DCC: variants seen among roughly 807,000 people sequenced by gnomAD.
DCC encodes DCC netrin 1 receptor.
DCC carries 58 observed loss-of-function variants against 172.5 expected under a neutral mutation model. That is an observed-to-expected ratio of 0.34 (90% CI 0.27 to 0.42). The LOEUF is 0.42. Ranked by LOEUF, DCC falls within the 10% of genes least tolerant of loss-of-function variation. The pLI, the probability that DCC is intolerant of heterozygous loss-of-function variation, is 1.00. For missense variants in DCC, 1,740 were observed against 1,791.0 expected, an observed-to-expected ratio of 0.97 and a Z score of 0.51; for synonymous variants, 709 against 644.5, an observed-to-expected ratio of 1.10 and a Z score of -1.52.
chr18:52,939,504 C>CA (rs1038502000), intron 5 of DCC, among the ~76,000 whole-genome samples: 25 of 152,184 alleles, frequency 1.6e-4, no homozygotes, highest in Non-Finnish European at 2.8e-4. Context: ...ACTATGTCCC[C>CA]AAAAACATAT....
At chr18:53,421,477 C>T (rs1274569995) in intron 21 of DCC, among the ~76,000 whole-genome samples, 1 of 152,158 alleles carries the variant, frequency 6.6e-6, no homozygotes, top group Non-Finnish European at 1.5e-5. Context: ...AAGAGGCCTA[C>T]GTACATAGGG....
At position 52,340,816 on chromosome 18, in the gene DCC, T is replaced by C. The variant is rs192846998; in HGVS notation, c.29T>C (p.Val10Ala). 1.2e-6 allele frequency: 2 copies of C among 1,614,122 alleles called. No individual in the cohort carries two copies. Among genetic ancestry groups the C allele is most frequent in the East Asian group, 4.5e-5 (2 of 44,848 alleles). The change falls in exon 1 of 29, where the codon GTA becomes GCA. Residue 10 changes from valine (V) to alanine (A), a missense_variant. By Grantham distance (64) the Val-to-Ala change is moderately conservative. Transcript: ENST00000442544. Reference protein sequence around the residue: MENSLRCVWVPKLAFVLFGA... With the variant: MENSLRCVWAPKLAFVLFGA... ...GAGAATAGTCTTAGATGTGTTTGGG[T>C]ACCCAAGCTGGCTTTTGTACTCTTC...
chr18:53,113,804 G>A (rs1047199182), intron 7 of DCC, among the ~76,000 whole-genome samples: 10 of 151,118 alleles, frequency 6.6e-5, no homozygotes, highest in African/African-American at 2.4e-4. Flanking sequence ...CCATTAAATA[G>A]CCATATTTTC....
intron 2 of DCC, among the ~76,000 whole-genome samples, chr18:52,894,937 G>T (rs527883250): frequency 2.0e-5 from 3 of 152,146 alleles, no homozygotes; most frequent in African/African-American, 7.2e-5. Context: ...TGGCCAAAAG[G>T]CTGGGTGCCC....
At chr18:52,455,275 T>G in intron 1 of DCC, among the ~76,000 whole-genome samples, 1 of 152,178 alleles carries the variant, frequency 6.6e-6, no homozygotes, top group African/African-American at 2.4e-5. Flanking sequence ...AAGAATTTAT[T>G]TTCTCTTATT....
chr18:52,487,538 C>T (rs1371723923), intron 1 of DCC, among the ~76,000 whole-genome samples: 1 of 152,034 alleles, frequency 6.6e-6, no homozygotes, highest in African/African-American at 2.4e-5. Flanking sequence ...AGACCGGGCA[C>T]GGTGGCTCAC....
intron 1 of DCC, among the ~76,000 whole-genome samples, chr18:52,568,555 T>C (rs1383480580): frequency 1.3e-5 from 2 of 152,222 alleles, no homozygotes; most frequent in Non-Finnish European, 2.9e-5. Context: ...CTTGCTATTA[T>C]TATTTCTTCA....
chr18:53,411,404 T>C lies in DCC; in HGVS notation c.3130+758T>C, dbSNP rs150741086. Among the ~76,000 whole-genome samples the C allele has an allele frequency of 6.6e-5, 10 of 152,296 alleles. No homozygotes were observed. In the East Asian group the frequency reaches 1.9e-3, roughly 29 times the overall value. On this transcript the variant is annotated intron_variant, in intron 20 of 28. Coordinates refer to ENST00000442544, the MANE Select transcript of DCC (RefSeq NM_005215.4). ...CACAACTAATATTTAAAGTTGTATA[T>C]TTAAGGCATGATATGTGTTGTTCTA...
intron 12 of DCC, among the ~76,000 whole-genome samples, chr18:53,303,952 G>A (rs1211166415): frequency 1.3e-5 from 2 of 152,176 alleles, no homozygotes; most frequent in Non-Finnish European, 2.9e-5. Context: ...AAGCTAGAAA[G>A]GGGGTGGAGT....
At chr18:52,497,280 A>ATATATGTGT (rs1307784228) in intron 1 of DCC, among the ~76,000 whole-genome samples, 330 of 21,534 alleles carry the variant, frequency 0.015, 20 homozygotes, top group Middle Eastern at 0.029. Flanking sequence ...AAAAAAAAAA[A>ATATATGTGT]ATATATATAT....
intron 8 of DCC, among the ~76,000 whole-genome samples, chr18:53,174,943 A>C (rs1331974382): frequency 4.6e-5 from 7 of 152,118 alleles, no homozygotes; most frequent in Admixed American, 3.9e-4. Context: ...TACTGGCAAA[A>C]CGAATCCATC....
chr18:53,128,864 C>CATATAT (rs1253869249), intron 7 of DCC, among the ~76,000 whole-genome samples: 8 of 72,116 alleles, frequency 1.1e-4, no homozygotes, highest in African/African-American at 5.5e-4. Flanking sequence ...CACACACACA[C>CATATAT]ACACACATAT....
chr18:52,468,406 G>C (rs1037957616), intron 1 of DCC, among the ~76,000 whole-genome samples: 2 of 152,166 alleles, frequency 1.3e-5, no homozygotes, highest in Non-Finnish European at 2.9e-5. Flanking sequence ...AAACTCATTA[G>C]ATAATTTTGC....
At chr18:52,660,332 A>G (rs1470287915) in intron 1 of DCC, among the ~76,000 whole-genome samples, 2 of 152,096 alleles carry the variant, frequency 1.3e-5, no homozygotes, top group Non-Finnish European at 1.5e-5. Context: ...TTTTTCTGCA[A>G]CTAGATGTTG....
chr18:52,464,941 A>T (rs1988741572), intron 1 of DCC, among the ~76,000 whole-genome samples: 1 of 152,232 alleles, frequency 6.6e-6, no homozygotes, highest in African/African-American at 2.4e-5. Context: ...TTAGGTAGAT[A>T]TATAGAAATA....
At chr18:52,486,402 G>C (rs535458624) in intron 1 of DCC, among the ~76,000 whole-genome samples, 1 of 152,186 alleles carries the variant, frequency 6.6e-6, no homozygotes, top group Admixed American at 6.6e-5. Context: ...TGAACAGCTA[G>C]ACCTGATATA....
intron 1 of DCC, among the ~76,000 whole-genome samples, chr18:52,390,111 C>T (rs1985973120): frequency 6.6e-6 from 1 of 152,010 alleles, no homozygotes; most frequent in Non-Finnish European, 1.5e-5. Context: ...ACAGAAGACC[C>T]AGGCAGCAAA....
intron 1 of DCC, among the ~76,000 whole-genome samples, chr18:52,486,258 G>A (rs1437473035): frequency 1.3e-5 from 2 of 152,128 alleles, no homozygotes; most frequent in African/African-American, 4.8e-5. Context: ...CATGGTTACT[G>A]ATTCAGAACC....
At chr18:52,465,422 C>T (rs1236236253) in intron 1 of DCC, among the ~76,000 whole-genome samples, 1 of 152,140 alleles carries the variant, frequency 6.6e-6, no homozygotes, top group Non-Finnish European at 1.5e-5. Context: ...GCTGAAAGAA[C>T]AGTGTCACAG....
Sources: allele counts gnomAD v4.1 joint callset (sites outside exome capture counted in the v4.1 genomes callset), GRCh38; gene constraint gnomAD v4.1.1; transcripts MANE v1.5; gene names NCBI Gene and HGNC (gene_info 2026-07-23, HGNC 2026-07-21).